The following PREX1 variants were observed in gnomAD, a reference collection of about 807,000 sequenced individuals.
The protein encoded by PREX1 is phosphatidylinositol-3,4,5-trisphosphate dependent Rac exchange factor 1.
PREX1 carries 41 observed loss-of-function variants against 198.3 expected under a neutral mutation model. The ratio of observed to expected loss-of-function variants is 0.21; its 90% CI spans 0.16 to 0.27. The LOEUF is 0.27. PREX1 is among the 10% of genes least tolerant of loss of function. PREX1 has a pLI of 1.00. For missense variants in PREX1, 1,620 were observed against 2,200.7 expected, an observed-to-expected ratio of 0.74 and a Z score of 5.28; for synonymous variants, 843 against 887.2, an observed-to-expected ratio of 0.95 and a Z score of 0.89.
intron 3 of PREX1, 27 bp downstream of exon 3, chr20:48,744,998 C>T: frequency 1.2e-6 from 2 of 1,610,822 alleles, no homozygotes. Flanking sequence ...AACTAGAGTC[C>T]ACCAGGGGCA....
At chr20:48,692,499 T>G (rs2089824422) in intron 8 of PREX1, 173 bp downstream of exon 8, 1 of 556,902 alleles carries the variant, frequency 1.8e-6, no homozygotes, top group Non-Finnish European at 3.2e-6. Context: ...ATTTCTTAAC[T>G]TGAATGCTAA....
chr20:48,828,531 G>A (rs913100740), upstream of PREX1, among the ~76,000 whole-genome samples: 1 of 150,114 alleles, frequency 6.7e-6, no homozygotes, highest in Non-Finnish European at 1.5e-5. Flanking sequence ...ACCGCTGCCT[G>A]GGCAGTGACG....
intron 1 of PREX1, among the ~76,000 whole-genome samples, chr20:48,788,468 G>A (rs376662301): frequency 2.6e-5 from 4 of 152,144 alleles, no homozygotes; most frequent in East Asian, 1.9e-4. Context: ...TCATTTTACC[G>A]TAAAGTACCC....
chr20:48,627,719 C>T, intron 38 of PREX1, 104 bp from the exon 39 acceptor site: 1 of 1,441,848 alleles, frequency 6.9e-7, no homozygotes, highest in Non-Finnish European at 9.7e-7. Context: ...GACCCAGAAG[C>T]TAAGATCCTT....
chr20:48,709,213 C>T (rs536065545), intron 5 of PREX1, among the ~76,000 whole-genome samples: 1 of 152,306 alleles, frequency 6.6e-6, no homozygotes, highest in Non-Finnish European at 1.5e-5. Context: ...ATCACCCAAC[C>T]GCCCCCGTCA....
At chr20:48,769,653 T>G (rs2090226307) in intron 1 of PREX1, among the ~76,000 whole-genome samples, 1 of 152,180 alleles carries the variant, frequency 6.6e-6, no homozygotes, top group Admixed American at 6.5e-5. Flanking sequence ...ACAGGACCTT[T>G]GCACTGGCTG....
chr20:48,726,455 C>T (rs1322001502), intron 4 of PREX1, 64 bp from the exon 5 acceptor site: 2 of 1,202,496 alleles, frequency 1.7e-6, no homozygotes, highest in Non-Finnish European at 2.4e-6. Flanking sequence ...TAGCCACCCT[C>T]AACCATGAGA....
intron 36 of PREX1, among the ~76,000 whole-genome samples, chr20:48,630,006 A>G (rs2089301208): frequency 6.6e-6 from 1 of 151,848 alleles, no homozygotes; most frequent in African/African-American, 2.4e-5. Context: ...GCATTCCCTG[A>G]CCCCCACGTG....
chr20:48,700,657 C>T, intron 7 of PREX1, 96 bp downstream of exon 7: 6 of 1,508,702 alleles, frequency 4.0e-6, no homozygotes, highest in Non-Finnish European at 5.5e-6. Flanking sequence ...CCTCAACTCA[C>T]AGGAAAGGGA....
At chr20:48,842,817 T>C in the PREX1 span, among the ~76,000 whole-genome samples, 11 of 152,008 alleles carry the variant, frequency 7.2e-5, no homozygotes, top group South Asian at 2.1e-3. Flanking sequence ...AGTTTTTGCA[T>C]CTATAAATGG....
chr20:48,773,359 A>G (rs1266695122), intron 1 of PREX1, among the ~76,000 whole-genome samples: 1 of 151,654 alleles, frequency 6.6e-6, no homozygotes, highest in African/African-American at 2.4e-5. Flanking sequence ...TAGCTACCAC[A>G]TCCTACCAGA....
At chr20:48,632,699 G>A in intron 33 of PREX1, 60 bp from the exon 34 acceptor site, 2 of 1,587,864 alleles carry the variant, frequency 1.3e-6, no homozygotes, top group Non-Finnish European at 1.7e-6. Context: ...GGGAAGCCCT[G>A]GCACACCTCT....
Position 48,690,948 on chromosome 20 carries a change from C to G in PREX1, c.1185G>C (p.Glu395Asp). 6.2e-7 allele frequency: 1 copy of G among 1,613,908 alleles called. No individual in the cohort carries two copies. Among genetic ancestry groups the G allele is most frequent in the Non-Finnish European group, 8.5e-7 (1 of 1,180,042 alleles). Residue 395 changes from glutamate to aspartate, a missense_variant and splice_region_variant, in exon 9 of 40, where the codon GAG becomes GAC. Physicochemically the swap from Glu to Asp is conservative, Grantham distance 45. Around this residue, in one of 7 missense-constraint regions of PREX1, gnomAD observed 488 missense variants for 802.5 expected, o/e 0.61. Coordinates refer to ENST00000371941, the MANE Select transcript of PREX1 (RefSeq NM_020820.4). ...GAGCACCCCAAAGCTGCTGCTCACTCTCGCGCTGCTCCCGCTCGCGGATGA... is the reference window on the plus strand; with the variant it reads ...GAGCACCCCAAAGCTGCTGCTCACTGTCGCGCTGCTCCCGCTCGCGGATGA... ...DAIIREREQR[E>D]SLKLGMERDA... is the part of the protein sequence containing the mutation.
intron 23 of PREX1, 137 bp from the exon 24 acceptor site, chr20:48,650,343 A>C (rs2089484641): frequency 1.2e-6 from 1 of 867,736 alleles, no homozygotes; most frequent in African/African-American, 1.7e-5. Flanking sequence ...TCCAAATGAG[A>C]AGGGGAACCC....
At chr20:48,765,169 C>T (rs2090202878) in intron 1 of PREX1, among the ~76,000 whole-genome samples, 1 of 152,222 alleles carries the variant, frequency 6.6e-6, no homozygotes, top group Non-Finnish European at 1.5e-5. Flanking sequence ...TCCTAATACT[C>T]TGTTATTATG....
chr20:48,782,729 G>C (rs2090295383), intron 1 of PREX1, among the ~76,000 whole-genome samples: 1 of 152,110 alleles, frequency 6.6e-6, no homozygotes, highest in African/African-American at 2.4e-5. Context: ...CCAGGTAGAG[G>C]AAACAGCACA....
the PREX1 span, among the ~76,000 whole-genome samples, chr20:48,833,379 A>G: frequency 1.3e-5 from 2 of 152,072 alleles, no homozygotes; most frequent in Non-Finnish European, 2.9e-5. Flanking sequence ...GACTTCTTGT[A>G]TTAAAAGATA....
At chr20:48,649,626 C>CT in intron 24 of PREX1, 50 bp from the exon 25 acceptor site, 1 of 1,530,052 alleles carries the variant, frequency 6.5e-7, no homozygotes, top group South Asian at 1.2e-5. Context: ...CCAGCATCCA[C>CT]TGGGCCTTTG....
intron 3 of PREX1, among the ~76,000 whole-genome samples, chr20:48,736,734 A>T (rs2090058632): frequency 6.6e-6 from 1 of 152,192 alleles, no homozygotes; most frequent in African/African-American, 2.4e-5. Flanking sequence ...GGGAAGAGGA[A>T]GAGGAAGAAA....
Sources: allele counts gnomAD v4.1 joint callset (sites outside exome capture counted in the v4.1 genomes callset), GRCh38; gene constraint gnomAD v4.1.1; regional missense constraint gnomAD v4.1.1; transcripts MANE v1.5; gene names NCBI Gene and HGNC (gene_info 2026-07-23, HGNC 2026-07-21).